Variants in SEC24A observed in about 807,000 individuals in gnomAD.
The protein encoded by SEC24A is SEC24 homolog A, COPII component.
SEC24A carries 93 observed loss-of-function variants against 129.4 expected under a neutral mutation model. The observed-to-expected ratio is 0.72, with a 90% CI of 0.61 to 0.85. The LOEUF (loss-of-function observed/expected upper bound fraction) is 0.85. Ranked by LOEUF, SEC24A falls within the 40% of genes least tolerant of loss-of-function variation. SEC24A has a pLI of 0.00. For synonymous variants in SEC24A, 460 were observed against 467.3 expected, an observed-to-expected ratio of 0.98 and a Z score of 0.20; for missense variants, 1,264 against 1,307.4, an observed-to-expected ratio of 0.97 and a Z score of 0.51.
intron 17 of SEC24A, 116 bp from the exon 18 acceptor site, chr5:134,708,597 A>G: frequency 1.1e-6 from 1 of 895,172 alleles, no homozygotes; most frequent in East Asian, 2.6e-5. Flanking sequence ...TTGTGTATGT[A>G]GTAAATTGGA....
rs1750992294 is a variant in SEC24A at position 134,674,677 on chromosome 5, T to C, written c.880T>C (p.Ser294Pro). The change falls in exon 5 of 23, where the codon TCC becomes CCC. Residue 294 changes from serine (S) to proline (P), a missense_variant. Ser to Pro is a moderately conservative substitution (Grantham distance 74). Transcript: ENST00000398844. ...CCGAAGTGTTGGATATTCATATCCC[T>C]CCTTACCACCTGGTTATCAGAACAC... ...MSRSVGYSYPSLPPGYQNTTP... is the reference protein window; with the variant it reads ...MSRSVGYSYPPLPPGYQNTTP... 2.1e-5 allele frequency: 34 copies of C among 1,613,730 alleles called. No individual in the cohort carries two copies. Among genetic ancestry groups the C allele is most frequent in the Non-Finnish European group, 2.8e-5 (33 of 1,179,614 alleles).
intron 9 of SEC24A, among the ~76,000 whole-genome samples, chr5:134,682,718 G>A (rs1751318668): frequency 6.6e-6 from 1 of 152,012 alleles, no homozygotes; most frequent in Non-Finnish European, 1.5e-5. Context: ...GGGGCTATAG[G>A]CACGCACCAC....
chr5:134,720,922 A>T, intron 20 of SEC24A, 76 bp from the exon 21 acceptor site: 1 of 740,522 alleles, frequency 1.4e-6, no homozygotes, highest in Non-Finnish European at 2.3e-6. Context: ...ATATAAAATA[A>T]AAATAAAATG....
chr5:134,724,101 T>G (rs1248192148), intron 22 of SEC24A, among the ~76,000 whole-genome samples: 1 of 152,206 alleles, frequency 6.6e-6, no homozygotes, highest in African/African-American at 2.4e-5. Flanking sequence ...ACCCTTTGAC[T>G]AACATTTCTT....
In SEC24A at chr5:134,674,690, G is replaced by T. The variant is rs1185522813; in HGVS notation, c.893G>T (p.Gly298Val). 1 of 1,613,982 alleles carries T rather than the reference G, an allele frequency of 6.2e-7. No individual in the cohort carries two copies. The highest frequency in any genetic ancestry group is 8.5e-7 in the Non-Finnish European group (1 of 1,179,942). The change falls in exon 5 of 23, where the codon GGT becomes GTT. Residue 298 changes from glycine to valine, a missense_variant. Gly to Val is a moderately radical substitution (Grantham distance 109). Transcript: ENST00000398844. Reference sequence around the variant, plus strand: ...TATTCATATCCCTCCTTACCACCTGGTTATCAGAACACAACACCACCTGGT... The same window carrying T: ...TATTCATATCCCTCCTTACCACCTGTTTATCAGAACACAACACCACCTGGT... ...VGYSYPSLPP[G>V]YQNTTPPGAT... is the part of the protein sequence containing the mutation.
At chr5:134,685,975 C>T (rs952166661) in intron 9 of SEC24A, among the ~76,000 whole-genome samples, 4 of 151,330 alleles carry the variant, frequency 2.6e-5, no homozygotes, top group African/African-American at 9.7e-5. Context: ...GGGGACACAG[C>T]GAGACTCCAT....
chr5:134,724,956 A>T (rs763504525), intron 22 of SEC24A, 24 bp from the exon 23 acceptor site: 1 of 1,230,886 alleles, frequency 8.1e-7, no homozygotes, highest in South Asian at 1.2e-5. Flanking sequence ...TTTTATCTAA[A>T]TTTTTTTGCC....
intron 1 of SEC24A, among the ~76,000 whole-genome samples, chr5:134,660,823 C>T (rs947854348): frequency 6.6e-6 from 1 of 152,120 alleles, no homozygotes; most frequent in East Asian, 1.9e-4. Context: ...TCCCAAAGTG[C>T]TGGGATTACA....
chr5:134,685,168 G>A (rs1384420580), intron 9 of SEC24A, among the ~76,000 whole-genome samples: 3 of 151,670 alleles, frequency 2.0e-5, no homozygotes, highest in Non-Finnish European at 2.9e-5. Context: ...CCAACAGTTC[G>A]AGACCAGCCT....
intron 12 of SEC24A, chr5:134,693,373 A>G: frequency 7.3e-7 from 1 of 1,360,610 alleles, no homozygotes; most frequent in South Asian, 1.7e-5. Context: ...TCGCTTTGGA[A>G]CTTACAAGAA....
rs1261959553 is a variant in SEC24A, at chr5:134,708,891, A to G, written c.2727+3A>G. ...TTGTGTTGGCTCTCCTTAAACAGGT[A>G]AGAAAAACAGATATAGAAACTAACA... On this transcript the variant is annotated splice_donor_region_variant and intron_variant, in intron 18 of 22. Coordinates refer to ENST00000398844, the MANE Select transcript of SEC24A (RefSeq NM_021982.3). 6.2e-7 allele frequency: 1 copy of G among 1,611,868 alleles called. No individual in the cohort carries two copies. Among genetic ancestry groups the G allele is most frequent in the Non-Finnish European group, 8.5e-7 (1 of 1,179,300 alleles).
chr5:134,726,732 T>C lies in SEC24A; in HGVS notation c.*1638T>C, dbSNP rs558141629. On this transcript the variant is annotated 3_prime_UTR_variant, in exon 23 of 23. Coordinates refer to ENST00000398844, the MANE Select transcript of SEC24A (RefSeq NM_021982.3). ...TAGCGAATTATATTATCCCCTCTTT[T>C]AAAGAAACAGTCGTTATATGCTGAT... The C allele has an allele frequency of 2.6e-5, 4 of 152,270 alleles. No homozygotes were observed. The East Asian group carries it at 5.8e-4, about 22-fold the overall frequency. The allele number at this position is 152,270 out of a possible 1,614,324, so 9.4% of individuals were successfully genotyped here.
intron 12 of SEC24A, chr5:134,692,888 C>G (rs868700865): frequency 1.3e-6 from 1 of 753,966 alleles, no homozygotes. Context: ...AAGCATATTC[C>G]ATAAAGGAGG....
Position 134,703,806 on chromosome 5 carries a change from G to A in SEC24A, c.2314G>A (p.Asp772Asn), listed in dbSNP as rs2150104811. ...FHGNFFVRSTDLLSLPNVNPD... is the reference protein window; with the variant it reads ...FHGNFFVRSTNLLSLPNVNPD... ...TGGAAACTTCTTTGTTAGGTCAACC[G>A]ACTTACTGTCTTTGCCTAACGTCAA... The change falls in exon 16 of 23, where the codon GAC becomes AAC. Residue 772 changes from aspartate (D) to asparagine (N), a missense_variant. Asp to Asn is a conservative substitution (Grantham distance 23, BLOSUM62 1). Transcript: ENST00000398844. 1 of 1,613,304 alleles carries A rather than the reference G, an allele frequency of 6.2e-7. No individual in the cohort carries two copies. The highest frequency in any genetic ancestry group is 8.5e-7 in the Non-Finnish European group (1 of 1,179,372).
At chr5:134,665,791 A>G (rs1750641066) in intron 2 of SEC24A, among the ~76,000 whole-genome samples, 1 of 152,170 alleles carries the variant, frequency 6.6e-6, no homozygotes, top group Non-Finnish European at 1.5e-5. Flanking sequence ...TCCTGACCAC[A>G]GGTGATCCAC....
chr5:134,709,286 C>T (rs939513679), intron 18 of SEC24A, among the ~76,000 whole-genome samples: 1 of 152,122 alleles, frequency 6.6e-6, no homozygotes, highest in African/African-American at 2.4e-5. Context: ...AATCCCTAAA[C>T]ATTGTATATG....
rs775366428 is a variant in SEC24A, at chr5:134,693,742, C to T, written c.1795C>T (p.Leu599=). 1 of 1,613,716 alleles carries T rather than the reference C, an allele frequency of 6.2e-7. No homozygotes were observed. Among genetic ancestry groups the T allele is most frequent in the Non-Finnish European group, 8.5e-7 (1 of 1,179,876 alleles). ...GTTTTACAAGCTCGTGCAAGATTTA[C>T]TGAAAACTTTGCCACAAATGTTTAC... is the stretch of plus-strand genomic sequence containing the variant. ...NESKELVQDL[L]KTLPQMFTKT... The change falls in exon 13 of 23, where the codon CTG becomes TTG. Residue 599 remains leucine (L), a synonymous_variant. Transcript: ENST00000398844.
chr5:134,697,550 G>A (rs1561823380), intron 14 of SEC24A, among the ~76,000 whole-genome samples: 4 of 151,994 alleles, frequency 2.6e-5, no homozygotes, highest in Non-Finnish European at 4.4e-5. Context: ...ACCAACCTGG[G>A]CAACATAGGA....
intron 9 of SEC24A, 28 bp from the exon 10 acceptor site, chr5:134,686,762 G>A (rs546116672): frequency 1.5e-6 from 2 of 1,316,092 alleles, no homozygotes; most frequent in Non-Finnish European, 2.2e-6. Flanking sequence ...CCTGTTAAAT[G>A]TACTTAACAA....
Sources: allele counts gnomAD v4.1 joint callset (sites outside exome capture counted in the v4.1 genomes callset), GRCh38; gene constraint gnomAD v4.1.1; transcripts MANE v1.5; gene names NCBI Gene and HGNC (gene_info 2026-07-23, HGNC 2026-07-21).